ANKS1B: variants seen among roughly 807,000 people sequenced by gnomAD.
The protein encoded by ANKS1B is ankyrin repeat and sterile alpha motif domain-containing protein 1B.
Under a neutral mutation model 148.3 loss-of-function variants are expected in ANKS1B, and 36 were observed. That is an observed-to-expected ratio of 0.24 (90% CI 0.19 to 0.32). The LOEUF (loss-of-function observed/expected upper bound fraction) is 0.32. Ranked by LOEUF, ANKS1B falls within the 10% of genes least tolerant of loss-of-function variation. The probability of loss-of-function intolerance (pLI) is 1.00; values close to 1 mark genes in which losing one functional copy is unlikely to be tolerated. For synonymous variants in ANKS1B, 542 were observed against 560.8 expected (o/e 0.97, Z 0.47); for missense variants, 1,157 against 1,542.6 (o/e 0.75, Z 4.19).
chr12:99,748,033 C>A (rs968728262), intron 8 of ANKS1B, among the ~76,000 whole-genome samples: 1 of 151,940 alleles, frequency 6.6e-6, no homozygotes, highest in Non-Finnish European at 1.5e-5. Flanking sequence ...AGACTTAATT[C>A]TATTTTCTAC....
At chr12:99,099,571 T>G (rs2057361824) in intron 15 of ANKS1B, among the ~76,000 whole-genome samples, 1 of 152,206 alleles carries the variant, frequency 6.6e-6, no homozygotes, top group South Asian at 2.1e-4. Context: ...CCTGGAGCAT[T>G]CTCCCTCCTT....
chr12:99,354,134 C>T (rs2091740806), intron 12 of ANKS1B, among the ~76,000 whole-genome samples: 1 of 151,910 alleles, frequency 6.6e-6, no homozygotes, highest in Non-Finnish European at 1.5e-5. Context: ...ATATACTAAC[C>T]TCAAAGAATA....
intron 11 of ANKS1B, among the ~76,000 whole-genome samples, chr12:99,429,982 A>G (rs1471040967): frequency 6.6e-6 from 1 of 151,906 alleles, no homozygotes; most frequent in Admixed American, 6.6e-5. Context: ...TAAAAAATAA[A>G]AATAAAAAAT....
intron 10 of ANKS1B, among the ~76,000 whole-genome samples, chr12:99,500,500 T>G (rs1224815256): frequency 6.6e-6 from 1 of 152,194 alleles, no homozygotes; most frequent in Non-Finnish European, 1.5e-5. Flanking sequence ...CCCGAGATCA[T>G]AAGATGTGAC....
intron 12 of ANKS1B, among the ~76,000 whole-genome samples, chr12:99,325,965 G>T (rs920942642): frequency 1.3e-5 from 2 of 152,000 alleles, no homozygotes; most frequent in East Asian, 3.9e-4. Flanking sequence ...CACAGCAGAA[G>T]GTGAAGAGAA....
chr12:99,724,227 T>G (rs1335620767), intron 8 of ANKS1B, among the ~76,000 whole-genome samples: 1 of 152,166 alleles, frequency 6.6e-6, no homozygotes, highest in Non-Finnish European at 1.5e-5. Flanking sequence ...GATCATGTTC[T>G]AACCCAATGC....
chr12:99,240,255 A>G (rs1442873733), intron 14 of ANKS1B, among the ~76,000 whole-genome samples: 1 of 152,060 alleles, frequency 6.6e-6, no homozygotes, highest in African/African-American at 2.4e-5. Flanking sequence ...AAAAGCACGG[A>G]TTGCAATCCT....
At chr12:99,419,337 G>A (rs2095012619) in intron 11 of ANKS1B, among the ~76,000 whole-genome samples, 1 of 152,114 alleles carries the variant, frequency 6.6e-6, no homozygotes, top group South Asian at 2.1e-4. Context: ...AATTGTGGTA[G>A]TTTGTTTTAA....
chr12:99,018,575 G>T (rs1482351865), intron 17 of ANKS1B, among the ~76,000 whole-genome samples: 1 of 152,182 alleles, frequency 6.6e-6, no homozygotes, highest in Admixed American at 6.5e-5. Flanking sequence ...TTGGTCTTGG[G>T]ATCAGATTGA....
intron 10 of ANKS1B, among the ~76,000 whole-genome samples, chr12:99,494,697 C>A (rs377049437): frequency 6.4e-4 from 88 of 136,956 alleles, no homozygotes; most frequent in African/African-American, 2.2e-3. Flanking sequence ...CGTGCCCCTG[C>A]ACTCCAGCCT....
chr12:99,477,717 A>G (rs1057148801), intron 10 of ANKS1B, among the ~76,000 whole-genome samples: 2 of 152,176 alleles, frequency 1.3e-5, no homozygotes, highest in Non-Finnish European at 2.9e-5. Flanking sequence ...GTATCCTTTC[A>G]CTAAGGTATA....
At chr12:99,925,524 G>C (rs1034229961) in intron 1 of ANKS1B, among the ~76,000 whole-genome samples, 1 of 152,158 alleles carries the variant, frequency 6.6e-6, no homozygotes, top group Admixed American at 6.5e-5. Context: ...CCCAAGCCAA[G>C]AAAGTATATA....
intron 17 of ANKS1B, among the ~76,000 whole-genome samples, chr12:98,947,269 T>C (rs1451168079): frequency 2.0e-5 from 3 of 152,086 alleles, no homozygotes; most frequent in Non-Finnish European, 2.9e-5. Context: ...TGGGAAAGGA[T>C]TTTGGAGCAG....
At chr12:99,227,344 C>T (rs933920430) in intron 14 of ANKS1B, among the ~76,000 whole-genome samples, 4 of 152,174 alleles carry the variant, frequency 2.6e-5, no homozygotes, top group African/African-American at 9.6e-5. Flanking sequence ...TTCCCTAGAA[C>T]GCGAGCAGAT....
At chr12:99,398,359 A>T (rs928500274) in intron 12 of ANKS1B, among the ~76,000 whole-genome samples, 16 of 152,162 alleles carry the variant, frequency 1.1e-4, no homozygotes, top group African/African-American at 3.4e-4. Flanking sequence ...GTATATGAAC[A>T]TACATATATA....
At chr12:99,097,946 G>C (rs2056747878) in intron 15 of ANKS1B, among the ~76,000 whole-genome samples, 1 of 152,166 alleles carries the variant, frequency 6.6e-6, no homozygotes, top group African/African-American at 2.4e-5. Flanking sequence ...TCAGATAAGT[G>C]TTCAGTATTG....
chr12:99,139,447 T>TCTTTCTTTCTTG (rs2069719500), intron 15 of ANKS1B, among the ~76,000 whole-genome samples: 1 of 78,826 alleles, frequency 1.3e-5, no homozygotes, highest in African/African-American at 5.4e-5. Context: ...TCTTTTTCTT[T>TCTTTCTTTCTTG]CTTTCTTTCT....
chr12:99,101,152 C>T (rs372231014), intron 15 of ANKS1B, among the ~76,000 whole-genome samples: 4 of 152,048 alleles, frequency 2.6e-5, no homozygotes, highest in East Asian at 1.9e-4. Flanking sequence ...GCCTTGTAAG[C>T]GATGATGTGA....
intron 17 of ANKS1B, among the ~76,000 whole-genome samples, chr12:98,945,305 C>T (rs746506517): frequency 4.6e-5 from 7 of 151,822 alleles, no homozygotes; most frequent in Non-Finnish European, 7.4e-5. Flanking sequence ...AGACCAGCCT[C>T]GGCAACATGG....
Sources: gnomAD v4.1 joint callset for allele counts (sites outside exome capture counted in the v4.1 genomes callset) on GRCh38, gnomAD v4.1.1 for gene constraint, MANE v1.5 for transcripts, NCBI Gene and HGNC (gene_info 2026-07-23, HGNC 2026-07-21) for gene names.